Variants in GAP43 observed in about 807,000 individuals in gnomAD.
GAP43 encodes neuromodulin.
A neutral mutation model predicts 18.6 loss-of-function variants in GAP43; 6 were observed. The observed-to-expected ratio is 0.32, with a 90% CI of 0.18 to 0.64. The LOEUF (loss-of-function observed/expected upper bound fraction) is 0.64. GAP43 is among the 30% of genes least tolerant of loss of function. The pLI, the probability that GAP43 is intolerant of heterozygous loss-of-function variation, is 0.78. For missense variants in GAP43, 292 were observed against 295.5 expected (o/e 0.99, Z 0.09); for synonymous variants, 115 against 111.4 (o/e 1.03, Z -0.20).
chr3:115,636,857 G>A (rs1486561493), intron 1 of GAP43, among the ~76,000 whole-genome samples: 2 of 151,778 alleles, frequency 1.3e-5, no homozygotes, highest in African/African-American at 2.4e-5. Context: ...TTCCTTTTAC[G>A]TAAAACGAAA....
chr3:115,674,949 A>G (rs1708861348), intron 1 of GAP43, among the ~76,000 whole-genome samples: 1 of 152,218 alleles, frequency 6.6e-6, no homozygotes, highest in African/African-American at 2.4e-5. Flanking sequence ...CTTTTGCAAA[A>G]TATTTTTTTA....
chr3:115,692,986 T>C (rs115821374), intron 2 of GAP43, among the ~76,000 whole-genome samples: 228 of 152,362 alleles, frequency 1.5e-3, no homozygotes, highest in African/African-American at 5.2e-3. Flanking sequence ...CCTATTGCAC[T>C]GCTATGCAGT....
chr3:115,705,378 G>A (rs1045709913), intron 2 of GAP43, among the ~76,000 whole-genome samples: 10 of 149,756 alleles, frequency 6.7e-5, no homozygotes, highest in African/African-American at 2.5e-4. Flanking sequence ...ACCTAGATCT[G>A]CTTTTGCTTT....
Position 115,643,678 on chromosome 3 carries a change from A to G in GAP43, c.30+19959A>G, listed in dbSNP as rs561113741. Among the ~76,000 whole-genome samples, 5 of 151,990 alleles carry G rather than the reference A, an allele frequency of 3.3e-5. No homozygotes were observed. The East Asian group carries it at 5.8e-4, about 18-fold the overall frequency. Reference sequence around the variant, plus strand: ...TATCAAGGAGTTCTCTCATTACCCTATGTAAAATGGCACCCCACCCTAACA... The same window carrying G: ...TATCAAGGAGTTCTCTCATTACCCTGTGTAAAATGGCACCCCACCCTAACA... On this transcript the variant is annotated intron_variant, in intron 1 of 2. Transcript: ENST00000305124.
rs528515707 is a variant in GAP43 at position 115,673,831 on chromosome 3, T to G, written c.31-2182T>G. ...CCTCTCCAAAGTGCTTTTCATTTAC[T>G]CCTTTAATCTTTGTGTGTATATACA... On this transcript the variant is annotated intron_variant, in intron 1 of 2. Transcript: ENST00000305124. Among the ~76,000 whole-genome samples the G allele has an allele frequency of 4.6e-5, 7 of 152,318 alleles. No individual in the cohort carries two copies. In the East Asian group the frequency reaches 7.7e-4, roughly 17 times the overall value.
chr3:115,638,193 A>G (rs1296431660), intron 1 of GAP43, among the ~76,000 whole-genome samples: 1 of 151,978 alleles, frequency 6.6e-6, no homozygotes, highest in Non-Finnish European at 1.5e-5. Flanking sequence ...CGTCTATAAG[A>G]TTGTGTATCT....
In GAP43 at chr3:115,721,245, TGTTCC is replaced by T. The variant is rs1389575687; in HGVS notation, c.*364_*368del. 6.3e-6 allele frequency: 1 copy of T among 157,550 alleles called. No homozygotes were observed. Among genetic ancestry groups the T allele is most frequent in the African/African-American group, 2.4e-5 (1 of 41,538 alleles). 9.8% of individuals were successfully genotyped at this position (157,550 alleles called of 1,614,324 possible). A position where few individuals can be genotyped will look rare whatever the true frequency, so the allele number is the denominator to read the frequency against. Reference sequence around the variant, plus strand: ...CCACTTTCCTCTCTCTCTCTCTCTCTGTTCCAAGTGTGTGTGCAATGTTCCGTTCA... The same window carrying T: ...CCACTTTCCTCTCTCTCTCTCTCTCTAAGTGTGTGTGCAATGTTCCGTTCA... On this transcript the variant is annotated 3_prime_UTR_variant, in exon 3 of 3. Coordinates refer to ENST00000305124, the MANE Select transcript of GAP43 (RefSeq NM_002045.4).
At chr3:115,627,920 A>G (rs1017736454) in intron 1 of GAP43, among the ~76,000 whole-genome samples, 1 of 152,132 alleles carries the variant, frequency 6.6e-6, no homozygotes, top group African/African-American at 2.4e-5. Context: ...CCACTTACTG[A>G]CTGTGAGCTT....
intron 1 of GAP43, among the ~76,000 whole-genome samples, chr3:115,663,316 C>T (rs1292402471): frequency 1.3e-5 from 2 of 152,168 alleles, no homozygotes; most frequent in African/African-American, 2.4e-5. Flanking sequence ...TAAATCCTCA[C>T]ACTCAGGAAT....
In GAP43 at chr3:115,644,837, A is replaced by G. The variant is rs1215333129; in HGVS notation, c.30+21118A>G. ...TAACCTGATCTCAAATCAAAACCCA[A>G]TGCCCCTGGCATTCTCAAAGCTGGA... On this transcript the variant is annotated intron_variant, in intron 1 of 2. Transcript: ENST00000305124. This position sits in a 1 kb window ranked among gnomAD's most constrained non-coding sequence, Gnocchi z 4.2. Among the ~76,000 whole-genome samples, 3 of 152,056 alleles carry G rather than the reference A, an allele frequency of 2.0e-5. No individual in the cohort carries two copies. The highest frequency in any genetic ancestry group is 2.1e-4 in the South Asian group (1 of 4,832).
chr3:115,669,620 A>T (rs956381909), intron 1 of GAP43, among the ~76,000 whole-genome samples: 1 of 150,934 alleles, frequency 6.6e-6, no homozygotes, highest in Admixed American at 6.6e-5. Flanking sequence ...ACAAAATAAA[A>T]GAAAACAACT....
chr3:115,681,312 G>A (rs543330190), intron 2 of GAP43, among the ~76,000 whole-genome samples: 1 of 152,254 alleles, frequency 6.6e-6, no homozygotes, highest in South Asian at 2.1e-4. Context: ...GACAAAATGA[G>A]GATCAAACTG....
chr3:115,707,922 T>C lies in GAP43; in HGVS notation c.629-12872T>C, dbSNP rs184030454. Among the ~76,000 whole-genome samples, 87 of 152,160 alleles carry C rather than the reference T, an allele frequency of 5.7e-4. 1 individual carries two copies. The highest frequency in any genetic ancestry group is 2.1e-3 in the African/African-American group (86 of 41,510). The stretch of plus-strand genomic sequence containing the variant: ...ACCACAGGTTTTCTTCCCGAGGTAA[T>C]TGAGGTGACTTTAATTACTTTGGTG... On this transcript the variant is annotated intron_variant, in intron 2 of 2. Transcript: ENST00000305124.
chr3:115,625,420 T>G (rs1708175538), intron 1 of GAP43, among the ~76,000 whole-genome samples: 1 of 152,016 alleles, frequency 6.6e-6, no homozygotes. Context: ...TATATAAATG[T>G]AATAAATACA....
rs180928265 is a variant in GAP43 at position 115,683,399 on chromosome 3, G to A, written c.628+6789G>A. On this transcript the variant is annotated intron_variant, in intron 2 of 2. Coordinates refer to ENST00000305124, the MANE Select transcript of GAP43 (RefSeq NM_002045.4). ...AAGAAAGTTTATTATTAGACTAGAG[G>A]CCCAGAAGACAGCAAGAATATCTCA... is the stretch of plus-strand genomic sequence containing the variant. Among the ~76,000 whole-genome samples, 30 of 152,184 alleles carry A rather than the reference G, an allele frequency of 2.0e-4. No individual in the cohort carries two copies. In the East Asian group the frequency reaches 5.0e-3, roughly 26 times the overall value.
chr3:115,695,069 A>C (rs1709166997), intron 2 of GAP43, among the ~76,000 whole-genome samples: 1 of 152,228 alleles, frequency 6.6e-6, no homozygotes, highest in South Asian at 2.1e-4. Flanking sequence ...AACACTTTTG[A>C]ATATTGTAGA....
At chr3:115,647,758 CAAA>C (rs111391501) in intron 1 of GAP43, among the ~76,000 whole-genome samples, 1 of 132,094 alleles carries the variant, frequency 7.6e-6, no homozygotes, top group African/African-American at 2.8e-5. Flanking sequence ...AACAAAAAAA[CAAA>C]AAAAAAAAAC....
chr3:115,689,364 A>G lies in GAP43; in HGVS notation c.628+12754A>G, dbSNP rs148395971. On this transcript the variant is annotated intron_variant, in intron 2 of 2. Transcript: ENST00000305124. ...GTGCTCAGAATAGAGCACAGCACAT[A>G]GAAGGCTCTCAATAGACATCCTCTG... Among the ~76,000 whole-genome samples, 146 of 152,348 alleles carry G rather than the reference A, an allele frequency of 9.6e-4. 2 individuals carry two copies. Among genetic ancestry groups the G allele is most frequent in the East Asian group, 7.1e-3 (37 of 5,180 alleles).
intron 2 of GAP43, among the ~76,000 whole-genome samples, chr3:115,698,075 A>T (rs1266844914): frequency 2.4e-4 from 16 of 68,074 alleles, no homozygotes; most frequent in Non-Finnish European, 2.3e-4. Context: ...ATTATATATA[A>T]TATATAAAAT....
Sources: gnomAD v4.1 joint callset for allele counts (sites outside exome capture counted in the v4.1 genomes callset) on GRCh38, gnomAD v4.1.1 for gene constraint, Gnocchi (gnomAD v3.1) non-coding constraint, MANE v1.5 for transcripts, NCBI Gene and HGNC (gene_info 2026-07-23, HGNC 2026-07-21) for gene names.